The following SMOC2 variants were observed in gnomAD, a reference collection of about 807,000 sequenced individuals.
The protein encoded by SMOC2 is SPARC related modular calcium binding 2, also known as SPARC-related modular calcium-binding protein 2.
In SMOC2, 39 loss-of-function variants were observed where a neutral mutation model predicts 61.4. The observed-to-expected ratio is 0.64, with a 90% confidence interval of 0.49 to 0.83. The LOEUF (loss-of-function observed/expected upper bound fraction) is 0.83. Among genes scored for constraint, SMOC2 ranks in the 40% least tolerant of loss-of-function variants. The probability of loss-of-function intolerance (pLI) is 0.00; values close to 1 mark genes in which losing one functional copy is unlikely to be tolerated. For synonymous variants in SMOC2, 247 were observed against 239.9 expected (o/e 1.03, Z -0.27); for missense variants, 556 against 592.9 (o/e 0.94, Z 0.65).
chr6:168,484,632 AT>A, intron 1 of SMOC2, among the ~76,000 whole-genome samples: 1 of 152,362 alleles, frequency 6.6e-6, no homozygotes. Context: ...TCAAAGAGAT[AT>A]TTGTATACTC....
At chr6:168,611,481 C>T (rs1188379161) in intron 9 of SMOC2, among the ~76,000 whole-genome samples, 6 of 123,104 alleles carry the variant, frequency 4.9e-5, no homozygotes, top group African/African-American at 6.5e-5. Flanking sequence ...TTCTCATGTC[C>T]GGGACCCACC....
At position 168,664,076 on chromosome 6, in the gene SMOC2, C is replaced by T. The variant is rs1467951136; in HGVS notation, c.1288C>T (p.Pro430Ser). ...ATATCTTTTTTTTTTCCTGCTAGCCCCCAGAGGTCATGCTGAAAGTACGTC... is the reference window on the plus strand; with the variant it reads ...ATATCTTTTTTTTTTCCTGCTAGCCTCCAGAGGTCATGCTGAAAGTACGTC... ...GKADTKKRHT[P>S]RGHAESTSNR... is the part of the protein sequence containing the mutation. The change falls in exon 12 of 13, where the codon CCC becomes TCC. Residue 430 changes from proline (P) to serine (S), a missense_variant and splice_region_variant. Pro to Ser is a moderately conservative substitution (Grantham distance 74). Transcript: ENST00000356284. 2 of 1,603,644 alleles carry T rather than the reference C, an allele frequency of 1.2e-6. No individual in the cohort carries two copies. Among genetic ancestry groups the T allele is most frequent in the African/African-American group, 2.7e-5 (2 of 74,606 alleles).
intron 9 of SMOC2, among the ~76,000 whole-genome samples, chr6:168,609,316 C>A (rs1785793083): frequency 6.6e-6 from 1 of 152,092 alleles, no homozygotes; most frequent in Admixed American, 6.5e-5. Flanking sequence ...CAGTGTCTTC[C>A]TTGTGAGGCA....
intron 2 of SMOC2, among the ~76,000 whole-genome samples, chr6:168,516,238 T>C (rs1452992656): frequency 6.6e-6 from 1 of 152,222 alleles, no homozygotes; most frequent in African/African-American, 2.4e-5. Context: ...CACTGATGCA[T>C]TTTTCTCATA....
intron 9 of SMOC2, among the ~76,000 whole-genome samples, chr6:168,615,297 ACC>A (rs1786043724): frequency 1.2e-5 from 1 of 83,246 alleles, no homozygotes; most frequent in Admixed American, 1.2e-4. Flanking sequence ...GCCTCTTCAC[ACC>A]TACAGCCAGC....
chr6:168,487,886 A>G (rs919933159), intron 1 of SMOC2, among the ~76,000 whole-genome samples: 3 of 152,142 alleles, frequency 2.0e-5, no homozygotes, highest in African/African-American at 7.2e-5. Flanking sequence ...TTTTTTGGCA[A>G]TTTACATGTA....
chr6:168,533,716 A>C (rs895906626), intron 4 of SMOC2, among the ~76,000 whole-genome samples: 2 of 152,174 alleles, frequency 1.3e-5, no homozygotes, highest in Non-Finnish European at 2.9e-5. Context: ...CTTTTTCTTT[A>C]GCCTTCGTAG....
At chr6:168,649,497 T>A (rs1321983489) in intron 9 of SMOC2, among the ~76,000 whole-genome samples, 1 of 152,116 alleles carries the variant, frequency 6.6e-6, no homozygotes, top group Non-Finnish European at 1.5e-5. Flanking sequence ...CTGGCTTCTG[T>A]CTTCTATTTT....
rs6907375 is a variant in SMOC2 at position 168,642,669 on chromosome 6, G to A, written c.908-8012G>A. The stretch of plus-strand genomic sequence containing the variant: ...CTAAGGCCAGGCCCTTGAGGATGAC[G>A]CGCTGACCAGGTCTCAGTTTGGAGG... On this transcript the variant is annotated intron_variant, in intron 9 of 12. Coordinates refer to ENST00000356284, the MANE Select transcript of SMOC2 (RefSeq NM_001166412.2). Among the ~76,000 whole-genome samples the A allele has an allele frequency of 7.3e-3, 1,114 of 152,314 alleles. 10 individuals carry two copies. Among genetic ancestry groups the A allele is most frequent in the African/African-American group, 0.025 (1,053 of 41,552 alleles).
intron 4 of SMOC2, among the ~76,000 whole-genome samples, chr6:168,539,205 A>C (rs1325851664): frequency 6.6e-6 from 1 of 152,132 alleles, no homozygotes; most frequent in Non-Finnish European, 1.5e-5. Context: ...GATTTTATAT[A>C]TTCTTAGATC....
Position 168,530,646 on chromosome 6 carries a change from C to G in SMOC2, c.463+2919C>G, listed in dbSNP as rs990745940. 2.3e-4 allele frequency among the ~76,000 whole-genome samples: 34 copies of G among 146,506 alleles called. 2 individuals carry two copies. Among genetic ancestry groups the G allele is most frequent in the Middle Eastern group, 6.5e-3 (2 of 308 alleles). Reference sequence around the variant, plus strand: ...TTAAAGTCACGGTGCAACCCCCCCCCCCCCGCCCCCACACCCACTGCTCTG... The same window carrying G: ...TTAAAGTCACGGTGCAACCCCCCCCGCCCCGCCCCCACACCCACTGCTCTG... On this transcript the variant is annotated intron_variant, in intron 4 of 12. Transcript: ENST00000356284.
At chr6:168,565,660 T>C (rs896583976) in intron 7 of SMOC2, among the ~76,000 whole-genome samples, 2 of 152,216 alleles carry the variant, frequency 1.3e-5, no homozygotes, top group East Asian at 1.9e-4. Flanking sequence ...TTGAATTGCT[T>C]GCATTGAAAA....
At chr6:168,559,475 A>AAAAT (rs1554240103) in intron 7 of SMOC2, among the ~76,000 whole-genome samples, 2 of 150,128 alleles carry the variant, frequency 1.3e-5, no homozygotes, top group African/African-American at 4.9e-5. Flanking sequence ...AAATAAAAAT[A>AAAAT]AAAATAAAAT....
chr6:168,596,710 A>G (rs1379639241), intron 7 of SMOC2, among the ~76,000 whole-genome samples: 3 of 152,268 alleles, frequency 2.0e-5, no homozygotes, highest in Non-Finnish European at 4.4e-5. Flanking sequence ...GACCTAAAGT[A>G]ACTTACTGAG....
chr6:168,634,303 T>C (rs1408194623), intron 9 of SMOC2, among the ~76,000 whole-genome samples: 1 of 152,208 alleles, frequency 6.6e-6, no homozygotes, highest in African/African-American at 2.4e-5. Context: ...TGTTGGGTTA[T>C]TGTGAGATTT....
intron 11 of SMOC2, among the ~76,000 whole-genome samples, chr6:168,656,911 T>C (rs999448741): frequency 6.6e-6 from 1 of 152,208 alleles, no homozygotes; most frequent in African/African-American, 2.4e-5. Flanking sequence ...CTCCCTTCGC[T>C]CTGTATGCAG....
chr6:168,644,094 G>A (rs151217652), intron 9 of SMOC2, among the ~76,000 whole-genome samples: 1 of 152,326 alleles, frequency 6.6e-6, no homozygotes, highest in Non-Finnish European at 1.5e-5. Context: ...TTTCGGCTGG[G>A]GATGGAGCAT....
chr6:168,630,797 T>A (rs1175243359), intron 9 of SMOC2, among the ~76,000 whole-genome samples: 1 of 152,156 alleles, frequency 6.6e-6, no homozygotes, highest in Non-Finnish European at 1.5e-5. Flanking sequence ...GGCATAGCCG[T>A]CTCTTACAGT....
At chr6:168,508,114 C>T (rs1782917984) in intron 1 of SMOC2, among the ~76,000 whole-genome samples, 1 of 152,244 alleles carries the variant, frequency 6.6e-6, no homozygotes, top group African/African-American at 2.4e-5. Context: ...GCCCCTACAG[C>T]ATCTTGTGTG....
Sources: gnomAD v4.1 joint callset for allele counts (sites outside exome capture counted in the v4.1 genomes callset) on GRCh38, gnomAD v4.1.1 for gene constraint, MANE v1.5 for transcripts, NCBI Gene and HGNC (gene_info 2026-07-23, HGNC 2026-07-21) for gene names.